The following SNTG2 variants were observed in gnomAD, a reference collection of about 807,000 sequenced individuals.
SNTG2 encodes syntrophin gamma 2, also known as gamma-2-syntrophin.
A neutral mutation model predicts 70.9 loss-of-function variants in SNTG2; 74 were observed. That is an observed-to-expected ratio of 1.04 (90% CI 0.86 to 1.27). SNTG2 has a LOEUF of 1.27. Ranked by LOEUF, SNTG2 falls within the 50% of genes most tolerant of loss-of-function variation. The pLI, the probability that SNTG2 is intolerant of heterozygous loss-of-function variation, is 0.00. For synonymous variants in SNTG2, 278 were observed against 273.8 expected (o/e 1.02, Z -0.15); for missense variants, 717 against 690.7 (o/e 1.04, Z -0.43).
intron 16 of SNTG2, among the ~76,000 whole-genome samples, chr2:1,346,872 G>T (rs1212600412): frequency 6.6e-6 from 1 of 152,128 alleles, no homozygotes; most frequent in Non-Finnish European, 1.5e-5. Context: ...GCAGTTGGTT[G>T]AAAGAGCTAA....
intron 1 of SNTG2, among the ~76,000 whole-genome samples, chr2:981,407 C>T (rs1230495846): frequency 6.6e-6 from 1 of 151,802 alleles, no homozygotes; most frequent in Non-Finnish European, 1.5e-5. Context: ...CATGTGCAGA[C>T]ACACACTTCC....
At chr2:1,038,300 T>C (rs1243824449) in intron 1 of SNTG2, among the ~76,000 whole-genome samples, 1 of 152,240 alleles carries the variant, frequency 6.6e-6, no homozygotes, top group Non-Finnish European at 1.5e-5. Context: ...AGATTCATTT[T>C]CTGTAACCAC....
rs544452539 is a variant in SNTG2 at position 1,030,218 on chromosome 2, C to A, written c.73-53300C>A. 1.1e-3 allele frequency among the ~76,000 whole-genome samples: 162 copies of A among 152,308 alleles called. 1 individual carries two copies. The highest frequency in any genetic ancestry group is 3.8e-3 in the African/African-American group (156 of 41,568). On this transcript the variant is annotated intron_variant, in intron 1 of 16. Transcript: ENST00000308624. ...GTCACTGGCTGTATTTGATGCTGAA[C>A]TTCTTGAGCTGTGCAGTCATGCCGC...
At chr2:1,052,629 A>G (rs750151700) in intron 1 of SNTG2, among the ~76,000 whole-genome samples, 36 of 152,224 alleles carry the variant, frequency 2.4e-4, no homozygotes, top group Non-Finnish European at 4.6e-4. Flanking sequence ...AACTGAAATC[A>G]GAGGTCTCTA....
chr2:1,023,814 C>T (rs533856695), intron 1 of SNTG2, among the ~76,000 whole-genome samples: 4 of 152,314 alleles, frequency 2.6e-5, no homozygotes, highest in South Asian at 2.1e-4. Flanking sequence ...TGTGTGCCAT[C>T]GATGTCCGCT....
chr2:1,284,814 A>G (rs1370885481), intron 14 of SNTG2, among the ~76,000 whole-genome samples: 1 of 152,142 alleles, frequency 6.6e-6, no homozygotes, highest in African/African-American at 2.4e-5. Flanking sequence ...TTGTTTATTA[A>G]TGACAAACAT....
At chr2:1,358,722 A>G (rs960777423) in intron 16 of SNTG2, among the ~76,000 whole-genome samples, 29 of 152,120 alleles carry the variant, frequency 1.9e-4, no homozygotes, top group Admixed American at 1.9e-3. Flanking sequence ...GATACTAGGT[A>G]TGATGTCAGT....
At chr2:1,304,770 GT>G (rs573320223) in intron 14 of SNTG2, among the ~76,000 whole-genome samples, 228 of 151,206 alleles carry the variant, frequency 1.5e-3, no homozygotes, top group African/African-American at 5.1e-3. Flanking sequence ...GTATTCTTAG[GT>G]TTTTTTCTTT....
At chr2:975,095 A>G (rs1029852410) in intron 1 of SNTG2, among the ~76,000 whole-genome samples, 17 of 151,880 alleles carry the variant, frequency 1.1e-4, no homozygotes, top group Non-Finnish European at 1.5e-5. Context: ...ACTCACACCC[A>G]TGAACAAACC....
chr2:1,260,282 A>G (rs1215071774), intron 13 of SNTG2, among the ~76,000 whole-genome samples: 1 of 152,240 alleles, frequency 6.6e-6, no homozygotes, highest in African/African-American at 2.4e-5. Context: ...GCTTTATTTT[A>G]AATTTAAATC....
intron 12 of SNTG2, among the ~76,000 whole-genome samples, chr2:1,253,894 G>A (rs745475503): frequency 1.4e-4 from 21 of 152,098 alleles, no homozygotes; most frequent in Admixed American, 4.6e-4. Context: ...TAAACAATCA[G>A]ATCTCATGAG....
intron 1 of SNTG2, among the ~76,000 whole-genome samples, chr2:1,009,931 G>C (rs7598216): frequency 0.15 from 23,549 of 152,154 alleles, 1,989 homozygotes; most frequent in Middle Eastern, 0.22. Context: ...AGAGATGCAA[G>C]ATTCTCCATG....
At position 963,136 on chromosome 2, in the gene SNTG2, A is replaced by T. The variant is rs181905871; in HGVS notation, c.72+12068A>T. 3.0e-3 allele frequency among the ~76,000 whole-genome samples: 444 copies of T among 147,906 alleles called. 2 individuals carry two copies. The highest frequency in any genetic ancestry group is 4.4e-3 in the Non-Finnish European group (294 of 67,316). ...TCAGACTATGATTTGAGCTTTTTTT[A>T]AAAAAAAAACTTCATTATTTGAAAG... On this transcript the variant is annotated intron_variant, in intron 1 of 16. Transcript: ENST00000308624.
At chr2:1,073,360 A>T (rs1011190311) in intron 1 of SNTG2, among the ~76,000 whole-genome samples, 85 of 152,242 alleles carry the variant, frequency 5.6e-4, no homozygotes, top group African/African-American at 1.8e-3. Flanking sequence ...CCGTCAGCCT[A>T]CAACAACGAG....
intron 6 of SNTG2, among the ~76,000 whole-genome samples, chr2:1,138,461 T>G (rs772738019): frequency 1.3e-4 from 20 of 152,106 alleles, no homozygotes; most frequent in Admixed American, 2.0e-4. Context: ...ACCATAGGGC[T>G]GATGCCAGGA....
chr2:1,366,886 G>A (rs535180999), intron 16 of SNTG2, among the ~76,000 whole-genome samples: 2 of 152,318 alleles, frequency 1.3e-5, no homozygotes, highest in African/African-American at 2.4e-5. Flanking sequence ...CAAAAGGCAC[G>A]GCGGCCTGAG....
intron 9 of SNTG2, among the ~76,000 whole-genome samples, chr2:1,212,218 T>C (rs1674093050): frequency 6.6e-6 from 1 of 152,070 alleles, no homozygotes; most frequent in Non-Finnish European, 1.5e-5. Context: ...TGACAGTGAG[T>C]GGGTTCTCCT....
chr2:1,274,653 G>A (rs1679199388), intron 14 of SNTG2, among the ~76,000 whole-genome samples: 1 of 152,092 alleles, frequency 6.6e-6, no homozygotes, highest in Non-Finnish European at 1.5e-5. Flanking sequence ...ATTCTGCCCT[G>A]GATTTTGTTC....
At chr2:1,251,052 G>A (rs1677724428) in intron 12 of SNTG2, among the ~76,000 whole-genome samples, 1 of 152,192 alleles carries the variant, frequency 6.6e-6, no homozygotes, top group African/African-American at 2.4e-5. Flanking sequence ...TTCCATCATT[G>A]TGGTTCTGAA....
Sources: gnomAD v4.1 joint callset for allele counts (sites outside exome capture counted in the v4.1 genomes callset) on GRCh38, gnomAD v4.1.1 for gene constraint, MANE v1.5 for transcripts, NCBI Gene and HGNC (gene_info 2026-07-23, HGNC 2026-07-21) for gene names.